The following TMEM132B variants were observed in gnomAD, a reference collection of about 807,000 sequenced individuals.
TMEM132B encodes the protein transmembrane protein 132B.
TMEM132B carries 18 observed loss-of-function variants against 90.8 expected under a neutral mutation model. The ratio of observed to expected loss-of-function variants is 0.20; its 90% CI spans 0.14 to 0.29. TMEM132B has a LOEUF of 0.29. Ranked by LOEUF, TMEM132B falls within the 10% of genes least tolerant of loss-of-function variation. TMEM132B has a pLI of 1.00. For missense variants in TMEM132B, 1,096 were observed against 1,326.8 expected (o/e 0.83, Z 2.70); for synonymous variants, 504 against 523.3 (o/e 0.96, Z 0.50).
At chr12:125,343,893 T>C (rs1877274595) in intron 1 of TMEM132B, among the ~76,000 whole-genome samples, 1 of 152,186 alleles carries the variant, frequency 6.6e-6, no homozygotes, top group South Asian at 2.1e-4. Flanking sequence ...GCTGTGTTAA[T>C]AAAAACAGTA....
chr12:125,335,401 C>G (rs911795821), intron 1 of TMEM132B, among the ~76,000 whole-genome samples: 1 of 152,222 alleles, frequency 6.6e-6, no homozygotes, highest in South Asian at 2.1e-4. Context: ...GATTCTACCT[C>G]CAGGCTCCTG....
intron 3 of TMEM132B, among the ~76,000 whole-genome samples, chr12:125,453,192 A>G (rs1461170518): frequency 6.6e-6 from 1 of 152,094 alleles, no homozygotes; most frequent in African/African-American, 2.4e-5. Context: ...TTCAAATTTT[A>G]TAATATGAAT....
intron 2 of TMEM132B, among the ~76,000 whole-genome samples, chr12:125,357,395 A>T (rs991778413): frequency 6.6e-6 from 1 of 152,138 alleles, no homozygotes. Flanking sequence ...CCACCTTCAT[A>T]AGTTAAATCA....
At chr12:125,642,936 AT>A (rs143813236) in intron 5 of TMEM132B, among the ~76,000 whole-genome samples, 5,610 of 150,988 alleles carry the variant, frequency 0.037, 333 homozygotes, top group African/African-American at 0.13. Context: ...TATTAGTGCC[AT>A]TTTTTTTTGG....
At chr12:125,364,167 G>A (rs1267850304) in intron 2 of TMEM132B, among the ~76,000 whole-genome samples, 1 of 152,110 alleles carries the variant, frequency 6.6e-6, no homozygotes, top group Non-Finnish European at 1.5e-5. Context: ...GAAGAACAAA[G>A]GTTGAAGGGT....
intron 4 of TMEM132B, among the ~76,000 whole-genome samples, chr12:125,567,865 G>C (rs1245236041): frequency 2.0e-5 from 3 of 152,140 alleles, no homozygotes; most frequent in Non-Finnish European, 2.9e-5. Flanking sequence ...TATAATAGGT[G>C]GTGCAAGGAA....
At chr12:125,231,516 T>C (rs79467899) in intron 1 of TMEM132B, among the ~76,000 whole-genome samples, 6,237 of 152,266 alleles carry the variant, frequency 0.041, 142 homozygotes, top group Non-Finnish European at 0.049. Context: ...CATGTTTGTC[T>C]TAATAGAAGC....
At chr12:125,262,989 G>T (rs2136111637) in intron 1 of TMEM132B, among the ~76,000 whole-genome samples, 1 of 151,618 alleles carries the variant, frequency 6.6e-6, no homozygotes, top group Admixed American at 6.8e-5. Context: ...GAGTGGATTG[G>T]AGTCTGTTTC....
intron 2 of TMEM132B, among the ~76,000 whole-genome samples, chr12:125,371,197 A>T (rs1383654506): frequency 6.6e-6 from 1 of 152,188 alleles, no homozygotes; most frequent in Non-Finnish European, 1.5e-5. Context: ...TGCTTTCTCT[A>T]GCCACACTGG....
chr12:125,647,378 C>G (rs556916258), intron 6 of TMEM132B, among the ~76,000 whole-genome samples: 1 of 152,256 alleles, frequency 6.6e-6, no homozygotes, highest in South Asian at 2.1e-4. Flanking sequence ...AAACCACAAA[C>G]ATGATAAACC....
chr12:125,572,147 C>A (rs1884813876), intron 4 of TMEM132B, among the ~76,000 whole-genome samples: 2 of 152,188 alleles, frequency 1.3e-5, no homozygotes, highest in Admixed American at 1.3e-4. Context: ...ATGCTATCTC[C>A]TTTTCAGGAC....
At chr12:125,276,942 G>C (rs999897267) in intron 1 of TMEM132B, among the ~76,000 whole-genome samples, 5 of 152,150 alleles carry the variant, frequency 3.3e-5, no homozygotes, top group African/African-American at 1.2e-4. Context: ...CTAATCAAAC[G>C]GTCTTTCATC....
chr12:125,306,246 T>TA (rs1875967886), intron 1 of TMEM132B, among the ~76,000 whole-genome samples: 1 of 152,198 alleles, frequency 6.6e-6, no homozygotes, highest in South Asian at 2.1e-4. Context: ...AAATCTAAAT[T>TA]AAAAAATATT....
At chr12:125,525,676 G>A (rs1356290542) in intron 4 of TMEM132B, among the ~76,000 whole-genome samples, 1 of 152,160 alleles carries the variant, frequency 6.6e-6, no homozygotes, top group Admixed American at 6.5e-5. Flanking sequence ...AGGACCTGTG[G>A]TATACTCTGC....
intron 3 of TMEM132B, among the ~76,000 whole-genome samples, chr12:125,508,068 A>G (rs1394970577): frequency 1.3e-5 from 2 of 152,246 alleles, no homozygotes; most frequent in Admixed American, 6.5e-5. Flanking sequence ...TTAAGGAAAG[A>G]GAAGAGTTAA....
intron 1 of TMEM132B, among the ~76,000 whole-genome samples, chr12:125,297,071 A>T (rs894454375): frequency 2.0e-5 from 3 of 152,160 alleles, no homozygotes; most frequent in Non-Finnish European, 4.4e-5. Flanking sequence ...TCTGTTCTCT[A>T]GGCTAAGGGG....
intron 3 of TMEM132B, among the ~76,000 whole-genome samples, chr12:125,505,846 C>T (rs542551157): frequency 2.0e-5 from 3 of 152,228 alleles, no homozygotes; most frequent in Admixed American, 1.3e-4. Context: ...ATTAAAAGGG[C>T]CTCAGGGCCC....
At chr12:125,438,739 A>T (rs1386978310) in intron 3 of TMEM132B, among the ~76,000 whole-genome samples, 3 of 151,374 alleles carry the variant, frequency 2.0e-5, no homozygotes, top group Admixed American at 1.3e-4. Context: ...GAATGTTTAT[A>T]TAATTTTACT....
intron 1 of TMEM132B, among the ~76,000 whole-genome samples, chr12:125,196,700 TC>T (rs1463229556): frequency 6.6e-6 from 1 of 152,112 alleles, no homozygotes; most frequent in Non-Finnish European, 1.5e-5. Context: ...AGAGCAAGAC[TC>T]CGTCACAAAA....
Sources: gnomAD v4.1 joint callset for allele counts (sites outside exome capture counted in the v4.1 genomes callset) on GRCh38, gnomAD v4.1.1 for gene constraint, MANE v1.5 for transcripts, NCBI Gene and HGNC (gene_info 2026-07-23, HGNC 2026-07-21) for gene names.